APBB2: variants seen among roughly 807,000 people sequenced by gnomAD.
The protein encoded by APBB2 is Fe65-like 1.
In APBB2, 38 loss-of-function variants were observed where a neutral mutation model predicts 82.5. The observed-to-expected ratio is 0.46, with a 90% confidence interval of 0.36 to 0.60. The LOEUF (loss-of-function observed/expected upper bound fraction) is 0.60. APBB2 is among the 20% of genes least tolerant of loss of function. APBB2 has a pLI of 0.00. For synonymous variants in APBB2, 341 were observed against 368.2 expected, an observed-to-expected ratio of 0.93 and a Z score of 0.85; for missense variants, 772 against 972.3, an observed-to-expected ratio of 0.79 and a Z score of 2.74.
chr4:41,092,034 T>C (rs971914259), intron 3 of APBB2, among the ~76,000 whole-genome samples: 26 of 152,322 alleles, frequency 1.7e-4, no homozygotes, highest in South Asian at 1.0e-3. Flanking sequence ...AAAGAATAAA[T>C]TGCCATTCTC....
intron 10 of APBB2, among the ~76,000 whole-genome samples, chr4:40,905,135 G>A (rs944672651): frequency 3.0e-4 from 46 of 152,214 alleles, no homozygotes; most frequent in African/African-American, 1.0e-3. Context: ...CCCATGTAGC[G>A]CTTACCATGT....
At chr4:41,057,471 A>G (rs1448881470) in intron 4 of APBB2, among the ~76,000 whole-genome samples, 1 of 148,820 alleles carries the variant, frequency 6.7e-6, no homozygotes, top group Admixed American at 6.6e-5. Context: ...AATAAATACA[A>G]TGTTCAATAG....
chr4:40,987,623 C>T (rs1800744727), intron 6 of APBB2, among the ~76,000 whole-genome samples: 1 of 152,152 alleles, frequency 6.6e-6, no homozygotes, highest in Admixed American at 6.5e-5. Flanking sequence ...CTCTGTGTGT[C>T]TAACTCTCCG....
intron 4 of APBB2, among the ~76,000 whole-genome samples, chr4:41,050,266 T>C (rs183284875): frequency 3.4e-4 from 52 of 152,342 alleles, no homozygotes; most frequent in African/African-American, 1.3e-3. Context: ...ATACAGAAAC[T>C]TTTAATTAGA....
chr4:40,851,730 A>AT (rs1560699695), intron 12 of APBB2, among the ~76,000 whole-genome samples: 1 of 30,028 alleles, frequency 3.3e-5, no homozygotes, highest in African/African-American at 1.4e-4. Flanking sequence ...ATATATATAT[A>AT]TATATATATT....
intron 6 of APBB2, among the ~76,000 whole-genome samples, chr4:40,996,729 C>A (rs1181314682): frequency 6.6e-6 from 1 of 152,148 alleles, no homozygotes; most frequent in Non-Finnish European, 1.5e-5. Flanking sequence ...TCACTAAATT[C>A]TAGAGATTCA....
chr4:40,868,423 C>A (rs1372682314), intron 12 of APBB2, among the ~76,000 whole-genome samples: 1 of 152,144 alleles, frequency 6.6e-6, no homozygotes, highest in African/African-American at 2.4e-5. Context: ...ATCATTGAAG[C>A]GAGCTGTATA....
chr4:40,921,405 A>G (rs7687074), intron 10 of APBB2, among the ~76,000 whole-genome samples: 149,316 of 152,320 alleles, frequency 0.98, 73,248 homozygotes, highest in Middle Eastern at 1. Context: ...TCTCCCCTGC[A>G]TGGTGGTTCT....
intron 10 of APBB2, among the ~76,000 whole-genome samples, chr4:40,916,311 G>GC (rs1229277742): frequency 7.3e-5 from 11 of 151,400 alleles, no homozygotes; most frequent in Admixed American, 1.3e-4. Flanking sequence ...GGCTAGACCT[G>GC]AAGACAGACA....
chr4:40,948,890 CAAAAA>C (rs59172492), intron 6 of APBB2, among the ~76,000 whole-genome samples: 8 of 101,578 alleles, frequency 7.9e-5, no homozygotes, highest in South Asian at 6.4e-4. Context: ...ATCCTGTCTC[CAAAAA>C]AAAAAAAAAA....
intron 4 of APBB2, among the ~76,000 whole-genome samples, chr4:41,049,451 C>T (rs974765885): frequency 4.1e-5 from 6 of 147,506 alleles, no homozygotes; most frequent in African/African-American, 1.3e-4. Flanking sequence ...CCAACCCCTC[C>T]GCGAGGGAGG....
intron 10 of APBB2, among the ~76,000 whole-genome samples, chr4:40,910,846 C>T (rs764914828): frequency 2.6e-5 from 4 of 152,372 alleles, no homozygotes; most frequent in South Asian, 2.1e-4. Flanking sequence ...TCTGCATCAC[C>T]GGAGGGATAA....
rs988839329 is a variant in APBB2 at position 40,811,662 on chromosome 4, A to C, written c.*4430T>G. ...TCTTCTTGAGATAAAAGTGCTGCAA[A>C]ATTCTAAATAATGAAATTACTAGTA... is the stretch of plus-strand genomic sequence containing the variant. On this transcript the variant is annotated 3_prime_UTR_variant, in exon 18 of 18. Transcript: ENST00000508593. The C allele has an allele frequency of 6.6e-5, 10 of 152,110 alleles. No homozygotes were observed. The highest frequency in any genetic ancestry group is 2.4e-4 in the African/African-American group (10 of 41,438). The allele number at this position is 152,110 out of a possible 1,614,324, so 9.4% of individuals were successfully genotyped here. A position where few individuals can be genotyped will look rare whatever the true frequency, so the allele number is the denominator to read the frequency against.
chr4:41,012,489 C>CCTCCCT (rs1311709081), intron 6 of APBB2, among the ~76,000 whole-genome samples: 1 of 152,118 alleles, frequency 6.6e-6, no homozygotes, highest in Non-Finnish European at 1.5e-5. Flanking sequence ...CTCATCTCAA[C>CCTCCCT]CTCCCTACTG....
intron 13 of APBB2, among the ~76,000 whole-genome samples, chr4:40,828,203 T>A (rs1372026249): frequency 1.3e-5 from 2 of 152,238 alleles, no homozygotes; most frequent in Non-Finnish European, 2.9e-5. Context: ...TTTGCTGTTA[T>A]CCTCAAACTG....
intron 10 of APBB2, among the ~76,000 whole-genome samples, chr4:40,913,647 A>C (rs1779120741): frequency 6.6e-6 from 1 of 152,202 alleles, no homozygotes; most frequent in East Asian, 1.9e-4. Flanking sequence ...TGCCCAATGC[A>C]CATGTTCCTA....
At chr4:41,107,618 G>C (rs984537743) in intron 2 of APBB2, among the ~76,000 whole-genome samples, 2 of 152,118 alleles carry the variant, frequency 1.3e-5, no homozygotes, top group Non-Finnish European at 2.9e-5. Flanking sequence ...CTTTACAAAC[G>C]GAGAGTTCTG....
At position 41,169,440 on chromosome 4, in the gene APBB2, C is replaced by T. The variant is rs186482265; in HGVS notation, c.-416-26298G>A. ...AAATGGCCACCTGGAAGGTTTCCTT[C>T]CTTCAAACAATGAACCCATGCAAAC... is the stretch of plus-strand genomic sequence containing the variant. On this transcript the variant is annotated intron_variant, in intron 1 of 17. Coordinates refer to ENST00000508593, the MANE Select transcript of APBB2 (RefSeq NM_004307.2). Among the ~76,000 whole-genome samples the T allele has an allele frequency of 2.6e-5, 4 of 152,320 alleles. No homozygotes were observed. In the East Asian group the frequency reaches 7.7e-4, roughly 29 times the overall value.
chr4:40,935,340 T>G (rs2154375702), intron 7 of APBB2: 1 of 517,636 alleles, frequency 1.9e-6, no homozygotes, highest in East Asian at 3.1e-5. Context: ...GGCAGGAGAG[T>G]GATGGTGCTT....
Sources: allele counts gnomAD v4.1 joint callset (sites outside exome capture counted in the v4.1 genomes callset), GRCh38; gene constraint gnomAD v4.1.1; transcripts MANE v1.5; gene names NCBI Gene and HGNC (gene_info 2026-07-23, HGNC 2026-07-21).